The following NUP153 variants were observed in gnomAD, a reference collection of about 807,000 sequenced individuals.
NUP153 encodes the protein nuclear pore complex protein Nup153.
In NUP153, 27 loss-of-function variants were observed where a neutral mutation model predicts 134.6. That is an observed-to-expected ratio of 0.20 (90% CI 0.15 to 0.28). The LOEUF is 0.28. NUP153 is among the 10% of genes least tolerant of loss of function. The pLI is 1.00. For synonymous variants in NUP153, 640 were observed against 623.5 expected (o/e 1.03, Z -0.40); for missense variants, 1,821 against 1,731.3 (o/e 1.05, Z -0.92).
At chr6:17,649,045 T>G in intron 12 of NUP153, 118 bp downstream of exon 12, 1 of 935,378 alleles carries the variant, frequency 1.1e-6, no homozygotes, top group South Asian at 2.0e-5. Context: ...ATTTCTCTGT[T>G]TACTATGTTA....
At position 17,669,390 on chromosome 6, in the gene NUP153, T is replaced by C. The variant is rs1051092720; in HGVS notation, c.969+40A>G. 4 of 1,595,676 alleles carry C rather than the reference T, an allele frequency of 2.5e-6. No homozygotes were observed. The African/African-American group carries it at 5.4e-5, about 21-fold the overall frequency. On this transcript the variant is annotated intron_variant, in intron 6 of 21. Coordinates refer to ENST00000262077, the MANE Select transcript of NUP153 (RefSeq NM_005124.4). ...TAAGATTTTTCAATAATATCAAGTT[T>C]TGTTACACTCCTGTATTAATCGTGA...
At chr6:17,676,408 G>A (rs1475452752) in intron 2 of NUP153, among the ~76,000 whole-genome samples, 1 of 142,378 alleles carries the variant, frequency 7.0e-6, no homozygotes, top group East Asian at 2.1e-4. Context: ...TTCTGCACGA[G>A]TACCAAATGT....
At chr6:17,665,490 C>A in intron 8 of NUP153, 105 bp from the exon 9 acceptor site, 1 of 848,798 alleles carries the variant, frequency 1.2e-6, no homozygotes. Context: ...TGAGTATTTC[C>A]CAGAGAAATA....
chr6:17,649,219 C>T lies in NUP153; in HGVS notation c.1477G>A (p.Glu493Lys), dbSNP rs566536725. ...SLPTFNFSSP[E>K]ITTSSPSPIN... is the part of the protein sequence containing the mutation. ...GGTGATGGAGAGGAAGTTGTGATCT[C>T]AGGGGAACTAAAATTAAAGGTAGGC... Residue 493 changes from glutamate (E) to lysine (K), a missense_variant, in exon 12 of 22, where the codon GAG becomes AAG. Glu to Lys is a moderately conservative substitution (Grantham distance 56). Coordinates refer to ENST00000262077, the MANE Select transcript of NUP153 (RefSeq NM_005124.4). The T allele has an allele frequency of 5.0e-6, 8 of 1,613,750 alleles. No homozygotes were observed. The East Asian group carries it at 1.1e-4, about 23-fold the overall frequency.
intron 11 of NUP153, among the ~76,000 whole-genome samples, chr6:17,654,357 T>C (rs1027890867): frequency 2.0e-5 from 3 of 152,020 alleles, no homozygotes; most frequent in Non-Finnish European, 4.4e-5. Context: ...GTTTCGATCT[T>C]GTTGCCCGGG....
rs763758911 is a variant in NUP153 at position 17,629,370 on chromosome 6, T to A, written c.2829A>T (p.Ile943=). 1 of 1,613,644 alleles carries A rather than the reference T, an allele frequency of 6.2e-7. No individual in the cohort carries two copies. The highest frequency in any genetic ancestry group is 8.5e-7 in the Non-Finnish European group (1 of 1,179,846). ...ATTTAAAGCCTTCACTCATGGGGTTTATAGACCCAGAATCGGATGACACAC... is the reference window on the plus strand; with the variant it reads ...ATTTAAAGCCTTCACTCATGGGGTTAATAGACCCAGAATCGGATGACACAC... ...KIGVSSDSGS[I]NPMSEGFKFS... is the part of the protein sequence containing the mutation. The change falls in exon 18 of 22, where the codon ATA becomes ATT. Residue 943 remains isoleucine, a synonymous_variant. Coordinates refer to ENST00000262077, the MANE Select transcript of NUP153 (RefSeq NM_005124.4).
At chr6:17,631,196 C>T (rs1765234098) in intron 17 of NUP153, among the ~76,000 whole-genome samples, 1 of 152,138 alleles carries the variant, frequency 6.6e-6, no homozygotes, top group Non-Finnish European at 1.5e-5. Context: ...AACCTTACAC[C>T]TACCAGAGGC....
chr6:17,616,833 C>G, intron 20 of NUP153, 138 bp from the exon 21 acceptor site: 1 of 736,596 alleles, frequency 1.4e-6, no homozygotes, highest in African/African-American at 1.8e-5. Context: ...CACTGCAACC[C>G]TTGCCTCCTG....
At chr6:17,642,320 C>G (rs745707765) in intron 14 of NUP153, among the ~76,000 whole-genome samples, 3 of 152,086 alleles carry the variant, frequency 2.0e-5, no homozygotes, top group African/African-American at 4.8e-5. Flanking sequence ...CTGCAAATCA[C>G]GTATCTGGTA....
chr6:17,624,865 T>C, intron 19 of NUP153, 32 bp from the exon 20 acceptor site: 1 of 1,524,490 alleles, frequency 6.6e-7, no homozygotes, highest in East Asian at 2.3e-5. Context: ...TAAGTCACCA[T>C]GGTGGCTAAT....
rs772365817 is a variant in NUP153 at position 17,665,203 on chromosome 6, A to G, written c.1215+36T>C. On this transcript the variant is annotated intron_variant, in intron 9 of 21. Coordinates refer to ENST00000262077, the MANE Select transcript of NUP153 (RefSeq NM_005124.4). ...TATTTAGTCTTACTTATTCTAATCA[A>G]TATTCAAAGACTGGTAGAAATATAC... 2.0e-6 allele frequency: 3 copies of G among 1,496,428 alleles called. No homozygotes were observed. The South Asian group carries it at 3.4e-5, about 17-fold the overall frequency. 92.7% of individuals were successfully genotyped at this position (1,496,428 alleles called of 1,614,324 possible). A position where few individuals can be genotyped will look rare whatever the true frequency, so the allele number is the denominator to read the frequency against.
intron 2 of NUP153, among the ~76,000 whole-genome samples, chr6:17,685,307 G>T (rs902422586): frequency 3.3e-5 from 5 of 152,106 alleles, no homozygotes; most frequent in African/African-American, 1.2e-4. Flanking sequence ...CAACACTTTG[G>T]GAGGCTGAGG....
intron 14 of NUP153, among the ~76,000 whole-genome samples, chr6:17,641,104 G>A (rs2113788953): frequency 6.6e-6 from 1 of 152,160 alleles, no homozygotes; most frequent in Admixed American, 6.5e-5. Flanking sequence ...GTGTGATAAT[G>A]GTTTTATCGT....
intron 11 of NUP153, among the ~76,000 whole-genome samples, chr6:17,653,751 GAGA>G (rs1302720627): frequency 6.6e-6 from 1 of 152,180 alleles, no homozygotes; most frequent in Non-Finnish European, 1.5e-5. Flanking sequence ...GCAACTGACT[GAGA>G]AGGAGGACAA....
chr6:17,665,332 G>A lies in NUP153; in HGVS notation c.1122C>T (p.Ser374=). 1 of 1,613,498 alleles carries A rather than the reference G, an allele frequency of 6.2e-7. No individual in the cohort carries two copies. The highest frequency in any genetic ancestry group is 2.2e-5 in the East Asian group (1 of 44,784). Residue 374 remains serine, a synonymous_variant, in exon 9 of 22, where the codon TCC becomes TCT. Coordinates refer to ENST00000262077, the MANE Select transcript of NUP153 (RefSeq NM_005124.4). ...AATAAACACTTCGATTTGTTGCTAT[G>A]GAAACTGGCTTTGGGGTCATAAGTC... ...VQRLMTPKPV[S]IATNRSVYFK...
chr6:17,628,761 A>T lies in NUP153; in HGVS notation c.3438T>A (p.Ser1146=), dbSNP rs1488277556. Residue 1146 remains serine, a synonymous_variant, in exon 18 of 22, where the codon TCT becomes TCA. Transcript: ENST00000262077. This position sits in a 1 kb window ranked among gnomAD's most constrained non-coding sequence, Gnocchi z 5.4. ...GNSEQTKDEN[S]SKSTFSFSMT... ...TACTAAAACTAAATGTGGACTTTGA[A>T]GAATTCTCATCTTTGGTTTGCTCTG... 1 of 1,614,202 alleles carries T rather than the reference A, an allele frequency of 6.2e-7. No individual in the cohort carries two copies. The highest frequency in any genetic ancestry group is 8.5e-7 in the Non-Finnish European group (1 of 1,180,016).
chr6:17,644,048 A>C (rs1388429795), intron 14 of NUP153, among the ~76,000 whole-genome samples: 1 of 152,158 alleles, frequency 6.6e-6, no homozygotes, highest in Non-Finnish European at 1.5e-5. Context: ...TGTGTTAGCC[A>C]ATTAAAAAAA....
chr6:17,640,647 CTTG>C (rs1765788645), intron 14 of NUP153, among the ~76,000 whole-genome samples: 1 of 152,206 alleles, frequency 6.6e-6, no homozygotes, highest in South Asian at 2.1e-4. Context: ...GAGTGAGTGT[CTTG>C]TTGTCAGCAA....
chr6:17,661,920 G>C (rs1767210270), intron 10 of NUP153, 98 bp downstream of exon 10: 1 of 1,280,764 alleles, frequency 7.8e-7, no homozygotes, highest in South Asian at 1.3e-5. Flanking sequence ...TAAAGTTTCT[G>C]TTCTTTGATT....
Sources: allele counts gnomAD v4.1 joint callset (sites outside exome capture counted in the v4.1 genomes callset), GRCh38; gene constraint gnomAD v4.1.1; non-coding constraint Gnocchi (gnomAD v3.1); transcripts MANE v1.5; gene names NCBI Gene and HGNC (gene_info 2026-07-23, HGNC 2026-07-21).